Variants in PPP2R3A observed in about 807,000 individuals in gnomAD.
PPP2R3A encodes protein phosphatase 2 regulatory subunit B''alpha, also known as serine/threonine-protein phosphatase 2A regulatory subunit B'' subunit alpha.
In PPP2R3A, 80 loss-of-function variants were observed where a neutral mutation model predicts 106.9. The ratio of observed to expected loss-of-function variants is 0.75; its 90% CI spans 0.62 to 0.90. The LOEUF is 0.90. Among genes scored for constraint, PPP2R3A ranks in the 40% least tolerant of loss-of-function variants. The pLI is 0.00. For missense variants in PPP2R3A, 1,386 were observed against 1,350.4 expected (o/e 1.03, Z -0.41); for synonymous variants, 483 against 468.3 (o/e 1.03, Z -0.41).
chr3:136,013,600 G>A (rs1266791365), intron 2 of PPP2R3A, among the ~76,000 whole-genome samples: 1 of 152,056 alleles, frequency 6.6e-6, no homozygotes, highest in South Asian at 2.1e-4. Flanking sequence ...TTTGCTGATC[G>A]TTAGTGATGT....
intron 4 of PPP2R3A, among the ~76,000 whole-genome samples, chr3:136,046,274 G>A (rs1935467539): frequency 6.6e-6 from 1 of 152,088 alleles, no homozygotes; most frequent in Non-Finnish European, 1.5e-5. Flanking sequence ...CCAACATGGT[G>A]AAACCCCATC....
At chr3:136,107,431 CTTTT>C (rs11324496) in intron 13 of PPP2R3A, among the ~76,000 whole-genome samples, 23 of 71,426 alleles carry the variant, frequency 3.2e-4, no homozygotes, top group African/African-American at 1.2e-3. Context: ...TACATGAATT[CTTTT>C]TTTTTTTTTT....
chr3:136,098,103 A>G (rs1937257754), intron 10 of PPP2R3A, among the ~76,000 whole-genome samples: 1 of 152,220 alleles, frequency 6.6e-6, no homozygotes. Context: ...ATATTTCTCA[A>G]AAAGACTTTG....
chr3:135,984,361 C>G lies in PPP2R3A; in HGVS notation c.-440-16698C>G, dbSNP rs150181715. On this transcript the variant is annotated intron_variant, in intron 1 of 13. Coordinates refer to ENST00000264977, the MANE Select transcript of PPP2R3A (RefSeq NM_002718.5). ...GTAAATTTTTTTCTTCTGTAAGCCT[C>G]AGTTTCCTCATCTGTGAAATAGAGA... is the stretch of plus-strand genomic sequence containing the variant. Among the ~76,000 whole-genome samples the G allele has an allele frequency of 3.0e-3, 463 of 152,248 alleles. 3 individuals carry two copies. The highest frequency in any genetic ancestry group is 0.011 in the African/African-American group (443 of 41,536).
chr3:136,103,670 T>G (rs1937441213), intron 12 of PPP2R3A, among the ~76,000 whole-genome samples: 2 of 152,250 alleles, frequency 1.3e-5, no homozygotes. Context: ...AAAAAAATTG[T>G]CCTTCTAACT....
intron 2 of PPP2R3A, among the ~76,000 whole-genome samples, chr3:136,009,651 C>T (rs924049605): frequency 6.6e-6 from 1 of 152,070 alleles, no homozygotes; most frequent in Non-Finnish European, 1.5e-5. Flanking sequence ...ATTCTCCTAC[C>T]CCAACCCAAA....
At chr3:135,966,882 A>C (rs1016408933) in intron 1 of PPP2R3A, among the ~76,000 whole-genome samples, 1 of 152,024 alleles carries the variant, frequency 6.6e-6, no homozygotes, top group Non-Finnish European at 1.5e-5. Context: ...CCTTAGTCTC[A>C]GGCCTTAGTT....
At chr3:135,977,688 CTTTTTTTTTTTTTT>C (rs66592538) in intron 1 of PPP2R3A, among the ~76,000 whole-genome samples, 2 of 61,098 alleles carry the variant, frequency 3.3e-5, no homozygotes, top group East Asian at 4.6e-4. Flanking sequence ...GATCAGCATT[CTTTTTTTTTTTTTT>C]TTTTTTTTTT....
At chr3:135,973,648 C>T (rs1937309257) in intron 1 of PPP2R3A, among the ~76,000 whole-genome samples, 1 of 152,134 alleles carries the variant, frequency 6.6e-6, no homozygotes, top group Non-Finnish European at 1.5e-5. Context: ...AGTTTTCAGG[C>T]ATAGTAGGAA....
chr3:136,016,356 G>C (rs1934267644), intron 2 of PPP2R3A, among the ~76,000 whole-genome samples: 1 of 152,008 alleles, frequency 6.6e-6, no homozygotes, highest in Non-Finnish European at 1.5e-5. Context: ...TATAGTTTAA[G>C]TCCATTGTTT....
At chr3:136,097,929 A>T (rs1316860832) in intron 10 of PPP2R3A, among the ~76,000 whole-genome samples, 2 of 152,204 alleles carry the variant, frequency 1.3e-5, no homozygotes, top group East Asian at 3.8e-4. Context: ...GAATAGTTTG[A>T]CAGTGGGGCA....
At chr3:136,005,630 G>GT (rs11465079) in intron 2 of PPP2R3A, among the ~76,000 whole-genome samples, 2,087 of 151,674 alleles carry the variant, frequency 0.014, 55 homozygotes, top group African/African-American at 0.048. Flanking sequence ...CCTTCACATG[G>GT]TTTTTTTTCC....
chr3:135,993,973 C>G lies in PPP2R3A; in HGVS notation c.-440-7086C>G, dbSNP rs566409777. 3.9e-5 allele frequency among the ~76,000 whole-genome samples: 6 copies of G among 152,032 alleles called. No homozygotes were observed. In the East Asian group the frequency reaches 1.2e-3, roughly 29 times the overall value. On this transcript the variant is annotated intron_variant, in intron 1 of 13. Coordinates refer to ENST00000264977, the MANE Select transcript of PPP2R3A (RefSeq NM_002718.5). The stretch of plus-strand genomic sequence containing the variant: ...GAGAAAGGGCCTAGGGATAATTTTG[C>G]GGTGATAAAAATGTTCTGTCTTTTT...
chr3:136,072,091 C>T (rs1559903087), intron 6 of PPP2R3A, among the ~76,000 whole-genome samples: 2 of 152,012 alleles, frequency 1.3e-5, no homozygotes, highest in Non-Finnish European at 2.9e-5. Context: ...TTTTGTTTGT[C>T]CATCTCCTAT....
intron 2 of PPP2R3A, among the ~76,000 whole-genome samples, chr3:136,005,760 T>C (rs1295165529): frequency 1.3e-5 from 2 of 152,214 alleles, no homozygotes; most frequent in Non-Finnish European, 2.9e-5. Context: ...CTACCAGTTA[T>C]TGTGAACTAA....
At chr3:136,081,837 A>C (rs892057680) in intron 7 of PPP2R3A, among the ~76,000 whole-genome samples, 1 of 152,206 alleles carries the variant, frequency 6.6e-6, no homozygotes, top group African/African-American at 2.4e-5. Context: ...ATATAAACTT[A>C]ATTTTATTAC....
intron 13 of PPP2R3A, among the ~76,000 whole-genome samples, chr3:136,127,275 A>T (rs1430119210): frequency 6.6e-6 from 1 of 152,182 alleles, no homozygotes; most frequent in Non-Finnish European, 1.5e-5. Flanking sequence ...ATGGAAAAAG[A>T]TCAGACGAAT....
intron 5 of PPP2R3A, among the ~76,000 whole-genome samples, chr3:136,060,993 T>C (rs552138060): frequency 2.0e-5 from 3 of 152,240 alleles, no homozygotes; most frequent in South Asian, 4.2e-4. Context: ...AAATGATAAA[T>C]TGTACAATTT....
chr3:136,039,405 C>A (rs918219377), intron 3 of PPP2R3A, among the ~76,000 whole-genome samples: 1 of 152,168 alleles, frequency 6.6e-6, no homozygotes, highest in South Asian at 2.1e-4. Context: ...TTATTACTTA[C>A]AGCAGCGGTC....
Sources: gnomAD v4.1 joint callset for allele counts (sites outside exome capture counted in the v4.1 genomes callset) on GRCh38, gnomAD v4.1.1 for gene constraint, MANE v1.5 for transcripts, NCBI Gene and HGNC (gene_info 2026-07-23, HGNC 2026-07-21) for gene names.